Variants in PRKN observed in about 807,000 individuals in gnomAD.
PRKN encodes E3 ubiquitin-protein ligase parkin.
PRKN carries 56 observed loss-of-function variants against 59.5 expected under a neutral mutation model. The ratio of observed to expected loss-of-function variants is 0.94; its 90% CI spans 0.76 to 1.18. The LOEUF is 1.18. Ranked by LOEUF, PRKN falls within the 50% of genes most tolerant of loss-of-function variation. PRKN has a pLI of 0.00. For missense variants in PRKN, 657 were observed against 596.4 expected, an observed-to-expected ratio of 1.10 and a Z score of -1.06; for synonymous variants, 250 against 222.1, an observed-to-expected ratio of 1.13 and a Z score of -1.12.
chr6:161,521,867 A>C (rs942096260), intron 9 of PRKN, among the ~76,000 whole-genome samples: 1 of 152,162 alleles, frequency 6.6e-6, no homozygotes, highest in African/African-American at 2.4e-5. Context: ...ATGAATATGC[A>C]CTTGATGCCC....
intron 2 of PRKN, chr6:162,275,362 T>C (rs972749679): frequency 4.6e-5 from 7 of 152,194 alleles, no homozygotes; most frequent in African/African-American, 1.7e-4. Flanking sequence ...ATAGCTATTT[T>C]GTTACTCAGA....
chr6:162,276,590 T>C (rs1169247797), intron 2 of PRKN, among the ~76,000 whole-genome samples: 1 of 152,160 alleles, frequency 6.6e-6, no homozygotes, highest in Non-Finnish European at 1.5e-5. Context: ...TTTAAAAACA[T>C]AAAATTGTCA....
At chr6:161,894,906 G>T (rs201333823) in intron 6 of PRKN, among the ~76,000 whole-genome samples, 2 of 152,172 alleles carry the variant, frequency 1.3e-5, no homozygotes, top group East Asian at 1.9e-4. Flanking sequence ...GTCTAATTAT[G>T]TGCTTATTCC....
intron 4 of PRKN, among the ~76,000 whole-genome samples, chr6:162,078,001 T>A (rs1232870860): frequency 6.5e-5 from 8 of 123,554 alleles, no homozygotes; most frequent in South Asian, 2.7e-4. Flanking sequence ...ACTCTCTCTC[T>A]AAAAAAAAAA....
intron 7 of PRKN, among the ~76,000 whole-genome samples, chr6:161,629,798 G>A (rs1206621176): frequency 1.3e-5 from 2 of 152,190 alleles, no homozygotes; most frequent in Non-Finnish European, 2.9e-5. Flanking sequence ...TGTGAGTGGA[G>A]CAGACCTAAA....
At chr6:162,709,913 G>GGGGGGGGGGA (rs1778467167) in intron 1 of PRKN, among the ~76,000 whole-genome samples, 1 of 134,312 alleles carries the variant, frequency 7.4e-6, no homozygotes. Context: ...TGGTGGGTGG[G>GGGGGGGGGGA]AATAAGGGTC....
intron 2 of PRKN, among the ~76,000 whole-genome samples, chr6:162,315,468 C>G (rs7740928): frequency 0.62 from 94,357 of 151,984 alleles, 29,641 homozygotes; most frequent in East Asian, 0.73. Flanking sequence ...GGGTAGGCAA[C>G]TTAGGATACA....
chr6:162,432,166 A>T (rs1234574224), intron 2 of PRKN, among the ~76,000 whole-genome samples: 1 of 152,206 alleles, frequency 6.6e-6, no homozygotes, highest in Non-Finnish European at 1.5e-5. Flanking sequence ...AAGGCAAAGG[A>T]TAGAAATGAA....
chr6:162,443,541 A>C (rs1429292921), intron 1 of PRKN, 68 bp from the exon 2 acceptor site: 4 of 1,419,380 alleles, frequency 2.8e-6, no homozygotes, highest in Non-Finnish European at 4.0e-6. Flanking sequence ...TGGTGATAGC[A>C]ACATTTCTCA....
chr6:161,663,519 T>A (rs1184574486), intron 7 of PRKN, among the ~76,000 whole-genome samples: 1 of 152,174 alleles, frequency 6.6e-6, no homozygotes, highest in African/African-American at 2.4e-5. Flanking sequence ...TGGTGAAATA[T>A]ATGAATATTC....
At chr6:161,776,810 TTCC>T (rs1789945215) in intron 7 of PRKN, among the ~76,000 whole-genome samples, 1 of 152,162 alleles carries the variant, frequency 6.6e-6, no homozygotes, top group Non-Finnish European at 1.5e-5. Context: ...ACTCTCAGCT[TTCC>T]TCCTCCTAAC....
chr6:161,796,267 A>T (rs1467466461), intron 6 of PRKN, among the ~76,000 whole-genome samples: 1 of 152,308 alleles, frequency 6.6e-6, no homozygotes, highest in Non-Finnish European at 1.5e-5. Flanking sequence ...TTGAACCCAA[A>T]CATAACCCAT....
intron 1 of PRKN, among the ~76,000 whole-genome samples, chr6:162,695,296 T>C (rs1777927816): frequency 1.3e-5 from 2 of 152,176 alleles, no homozygotes; most frequent in South Asian, 4.1e-4. Flanking sequence ...AGATGTATCA[T>C]GCATTACTTC....
At chr6:161,384,825 G>C (rs966271686) in intron 10 of PRKN, among the ~76,000 whole-genome samples, 4 of 152,178 alleles carry the variant, frequency 2.6e-5, no homozygotes, top group Non-Finnish European at 5.9e-5. Flanking sequence ...CTATAGAGTT[G>C]CTAAGCTTTG....
intron 6 of PRKN, among the ~76,000 whole-genome samples, chr6:161,847,570 C>T (rs1451416466): frequency 2.0e-5 from 3 of 147,234 alleles, no homozygotes; most frequent in Non-Finnish European, 4.5e-5. Context: ...TTTACCTGTA[C>T]TTTTTTAGAT....
chr6:161,947,649 C>T (rs185560781), intron 6 of PRKN, among the ~76,000 whole-genome samples: 3 of 152,116 alleles, frequency 2.0e-5, no homozygotes, highest in African/African-American at 2.4e-5. Context: ...GTAGTTGATT[C>T]GCAAGAAAGA....
At chr6:161,626,919 G>A (rs1783112737) in intron 7 of PRKN, among the ~76,000 whole-genome samples, 2 of 151,974 alleles carry the variant, frequency 1.3e-5, no homozygotes, top group South Asian at 4.2e-4. Context: ...TTAAAGGCCA[G>A]GTTCTGGGGC....
chr6:162,617,209 G>A (rs1050446941), intron 1 of PRKN, among the ~76,000 whole-genome samples: 51 of 152,182 alleles, frequency 3.4e-4, no homozygotes, highest in African/African-American at 1.1e-3. Flanking sequence ...TCTTTTAGCA[G>A]TTTAGAAATA....
At chr6:161,541,315 G>A (rs1448772573) in intron 9 of PRKN, among the ~76,000 whole-genome samples, 1 of 152,126 alleles carries the variant, frequency 6.6e-6, no homozygotes, top group African/African-American at 2.4e-5. Context: ...CAGACACACA[G>A]CCCCAGACAG....
Sources: allele counts gnomAD v4.1 joint callset (sites outside exome capture counted in the v4.1 genomes callset), GRCh38; gene constraint gnomAD v4.1.1; transcripts MANE v1.5; gene names NCBI Gene and HGNC (gene_info 2026-07-23, HGNC 2026-07-21).